Variants in PTPN7 observed in about 807,000 individuals in gnomAD.
PTPN7 encodes the protein protein tyrosine phosphatase non-receptor type 7.
Under a neutral mutation model 50.3 loss-of-function variants are expected in PTPN7, and 33 were observed. That is an observed-to-expected ratio of 0.66 (90% CI 0.50 to 0.88). PTPN7 has a LOEUF of 0.88. PTPN7 is among the 40% of genes least tolerant of loss of function. The probability of loss-of-function intolerance (pLI) is 0.00; values close to 1 mark genes in which losing one functional copy is unlikely to be tolerated. For synonymous variants in PTPN7, 185 were observed against 186.6 expected, an observed-to-expected ratio of 0.99 and a Z score of 0.07; for missense variants, 412 against 475.4, an observed-to-expected ratio of 0.87 and a Z score of 1.24.
Position 202,156,210 on chromosome 1 carries a change from C to T in PTPN7, c.392-601G>A, listed in dbSNP as rs111590489. ...AGGATGGACTAGAGAAGAAAGGGAA[C>T]GGAACAGCAGAGACCAAATGGGAAG... On this transcript the variant is annotated intron_variant, in intron 4 of 9. Transcript: ENST00000691036. 2.3e-3 allele frequency among the ~76,000 whole-genome samples: 347 copies of T among 152,126 alleles called. 1 individual carries two copies. Among genetic ancestry groups the T allele is most frequent in the Middle Eastern group, 6.8e-3 (2 of 294 alleles).
intron 9 of PTPN7, 95 bp from the exon 10 acceptor site, chr1:202,148,794 T>G: frequency 1.0e-6 from 1 of 952,500 alleles, no homozygotes; most frequent in Non-Finnish European, 1.5e-6. Context: ...ACTGGGAAAG[T>G]CCTGACTTTC....
At position 202,148,392 on chromosome 1, in the gene PTPN7, G is replaced by T; in HGVS notation, c.*214C>A. ...CCTTACTGTCCATCTGGGGCCAACA[G>T]AGGAAGCAGAGGAGTGGCCAGTGTT... On this transcript the variant is annotated 3_prime_UTR_variant, in exon 10 of 10. Transcript: ENST00000691036. The T allele has an allele frequency of 2.1e-6, 1 of 475,378 alleles. No individual in the cohort carries two copies. Among genetic ancestry groups the T allele is most frequent in the Non-Finnish European group, 3.8e-6 (1 of 266,392 alleles). The allele number at this position is 475,378 out of a possible 1,614,324, so 29.4% of individuals were successfully genotyped here. A position where few individuals can be genotyped will look rare whatever the true frequency, so the allele number is the denominator to read the frequency against.
chr1:202,159,333 G>A lies in PTPN7; in HGVS notation c.70C>T (p.Gln24Ter). 1 of 1,614,200 alleles carries A rather than the reference G, an allele frequency of 6.2e-7. No individual in the cohort carries two copies. Among genetic ancestry groups the A allele is most frequent in the South Asian group, 1.1e-5 (1 of 91,086 alleles). The change falls in exon 2 of 10, where the codon CAG (glutamine) becomes TAG (stop). Residue 24 changes from glutamine to a stop codon, truncating the protein, a stop_gained. Coordinates refer to ENST00000691036, the MANE Select transcript of PTPN7 (RefSeq NM_002832.4). LOFTEE classifies it high-confidence loss of function. This position sits in a 1 kb window ranked among gnomAD's most constrained non-coding sequence, Gnocchi z 4.6. ...LTLSLGAAMT[Q>*]PPPEKTPAKK... is the part of the protein sequence containing the mutation. ...GCTGGCGTTTTTTCAGGCGGAGGCT[G>A]GGTCATGGCTGCCCCCAAAGACAAG... is the stretch of plus-strand genomic sequence containing the variant.
chr1:202,158,715 G>A (rs1388994043), intron 2 of PTPN7: 2 of 168,196 alleles, frequency 1.2e-5, no homozygotes, highest in African/African-American at 4.8e-5. Context: ...CCTCTGAGGG[G>A]GCCGCTCTTT....
upstream of PTPN7, chr1:202,161,410 T>C: frequency 7.8e-7 from 1 of 1,286,514 alleles, no homozygotes. Flanking sequence ...TCTCTGGCCC[T>C]CACACCAGGG....
intron 9 of PTPN7, among the ~76,000 whole-genome samples, chr1:202,149,658 A>C (rs1655704995): frequency 6.6e-6 from 1 of 151,934 alleles, no homozygotes; most frequent in Non-Finnish European, 1.5e-5. Context: ...AGAAAAAAAA[A>C]GAAATGGGGG....
At chr1:202,158,784 C>T (rs1384880705) in intron 2 of PTPN7, 3 of 159,452 alleles carry the variant, frequency 1.9e-5, no homozygotes, top group African/African-American at 4.9e-5. Context: ...GCTGTGTGCC[C>T]TCTTTTTTTT....
At chr1:202,153,634 C>T in intron 7 of PTPN7, 91 bp downstream of exon 7, 1 of 1,040,982 alleles carries the variant, frequency 9.6e-7, no homozygotes, top group Non-Finnish European at 1.5e-6. Flanking sequence ...GAAGAGCAAA[C>T]CCTTGGCTCC....
rs959784195 is a variant in PTPN7, at chr1:202,150,407, G to A, written c.893C>T (p.Thr298Met). ...VVHCSAGIGR[T>M]GCFIATRIGC... Reference sequence around the variant, plus strand: ...AATTCGCGTGGCGATGAAGCAGCCCGTCCGGCCAATCCCTGCACTGGAGAT... The same window carrying A: ...AATTCGCGTGGCGATGAAGCAGCCCATCCGGCCAATCCCTGCACTGGAGAT... Residue 298 changes from threonine (T) to methionine (M), a missense_variant, in exon 9 of 10, where the codon ACG becomes ATG. By Grantham distance (81) the Thr-to-Met change is moderately conservative. Transcript: ENST00000691036. The A allele has an allele frequency of 5.0e-6, 8 of 1,609,136 alleles. No homozygotes were observed. The African/African-American group carries it at 6.7e-5, about 13-fold the overall frequency.
At position 202,155,589 on chromosome 1, in the gene PTPN7, G is replaced by T. The variant is rs1036370353; in HGVS notation, c.412C>A (p.Leu138Ile). The T allele has an allele frequency of 3.2e-6, 5 of 1,567,746 alleles. No homozygotes were observed. The highest frequency in any genetic ancestry group is 4.4e-6 in the Non-Finnish European group (5 of 1,138,048). Residue 138 changes from leucine (L) to isoleucine (I), a missense_variant, in exon 5 of 10, where the codon CTA (leucine) becomes ATA (isoleucine). By Grantham distance (5) the Leu-to-Ile change is conservative. Transcript: ENST00000691036. ...ILPNPQSRVC[L>I]GRAQSQEDGD... ...TCCTCCTGGCTCTGTGCCCGGCCTA[G>T]ACAGACACGGCTCTGGGGATCTAGG...
chr1:202,159,928 G>C lies in PTPN7; in HGVS notation c.-52-474C>G. 13 of 1,007,858 alleles carry C rather than the reference G, an allele frequency of 1.3e-5. No individual in the cohort carries two copies. The highest frequency in any genetic ancestry group is 1.5e-5 in the Non-Finnish European group (13 of 844,436). 62.4% of individuals were successfully genotyped at this position (1,007,858 alleles called of 1,614,324 possible). ...GCTGGTTGGGCAGCCAGGCAGGCGG[G>C]CTCCTGGACCCCAGCAGGGTCCTCT... On this transcript the variant is annotated intron_variant, in intron 1 of 9. Transcript: ENST00000691036. The surrounding 1 kb of genome is among the most constrained non-coding windows in gnomAD (Gnocchi z 4.6).
At chr1:202,151,488 T>C (rs1236055993) in intron 8 of PTPN7, among the ~76,000 whole-genome samples, 1 of 152,156 alleles carries the variant, frequency 6.6e-6, no homozygotes, top group Non-Finnish European at 1.5e-5. Context: ...CCCCATAATA[T>C]CCCCATCACA....
chr1:202,157,977 G>A, intron 3 of PTPN7, 141 bp downstream of exon 3: 1 of 1,255,174 alleles, frequency 8.0e-7, no homozygotes, highest in Non-Finnish European at 1.1e-6. Context: ...CCTGGGGGCA[G>A]CCCCTCCCTC....
At chr1:202,151,949 C>T (rs748113388) in intron 8 of PTPN7, among the ~76,000 whole-genome samples, 9 of 152,092 alleles carry the variant, frequency 5.9e-5, no homozygotes, top group Non-Finnish European at 1.3e-4. Context: ...GATGGAGTCT[C>T]GCTCTGTCAC....
At position 202,160,396 on chromosome 1, in the gene PTPN7, C is replaced by T. The variant is rs1657240680; in HGVS notation, c.-53+149G>A. ...TCCCTGCTCACCCCCGTCTTGGGGA[C>T]ATCAGGTCTGTGAGCACCCATACCC... On this transcript the variant is annotated intron_variant, in intron 1 of 9. Transcript: ENST00000691036. The surrounding 1 kb of genome is among the most constrained non-coding windows in gnomAD (Gnocchi z 4.8). 1.2e-6 allele frequency: 1 copy of T among 803,510 alleles called. No individual in the cohort carries two copies. Among genetic ancestry groups the T allele is most frequent in the Non-Finnish European group, 2.0e-6 (1 of 511,814 alleles). The allele number at this position is 803,510 out of a possible 1,614,324, so 49.8% of individuals were successfully genotyped here.
intron 7 of PTPN7, among the ~76,000 whole-genome samples, chr1:202,152,954 C>T (rs1267389404): frequency 2.0e-5 from 3 of 152,204 alleles, no homozygotes; most frequent in African/African-American, 7.2e-5. Flanking sequence ...AAGCACATGA[C>T]TTTGGGCAAG....
intron 2 of PTPN7, chr1:202,158,817 T>C (rs1571763185): frequency 7.0e-6 from 1 of 143,004 alleles, no homozygotes. Context: ...AGAGAGGAGG[T>C]CTCACTATAT....
At position 202,159,140 on chromosome 1, in the gene PTPN7, C is replaced by A. The variant is rs1657031355; in HGVS notation, c.122+141G>T. The A allele has an allele frequency of 5.3e-6, 4 of 758,064 alleles. No homozygotes were observed. Among genetic ancestry groups the A allele is most frequent in the Non-Finnish European group, 8.9e-6 (4 of 448,804 alleles). 47.0% of individuals were successfully genotyped at this position (758,064 alleles called of 1,614,324 possible). On this transcript the variant is annotated intron_variant, in intron 2 of 9. Transcript: ENST00000691036. The surrounding 1 kb of genome is among the most constrained non-coding windows in gnomAD (Gnocchi z 4.6). Reference sequence around the variant, plus strand: ...GCAAAAGACATGCAAATGAGCACTACTGGTTTCCTTTCCAAATTGGAGTCA... The same window carrying A: ...GCAAAAGACATGCAAATGAGCACTAATGGTTTCCTTTCCAAATTGGAGTCA...
At chr1:202,153,910 T>TACCAG in intron 6 of PTPN7, 75 bp from the exon 7 acceptor site, 1 of 1,257,164 alleles carries the variant, frequency 8.0e-7, no homozygotes, top group Non-Finnish European at 1.2e-6. Flanking sequence ...GGGGCTGGTA[T>TACCAG]CTCCTCCCCA....
Sources: allele counts gnomAD v4.1 joint callset (sites outside exome capture counted in the v4.1 genomes callset), GRCh38; gene constraint gnomAD v4.1.1; non-coding constraint Gnocchi (gnomAD v3.1); transcripts MANE v1.5; gene names NCBI Gene and HGNC (gene_info 2026-07-23, HGNC 2026-07-21).